Variants in PRELID2 observed in about 807,000 individuals in gnomAD.
PRELID2 encodes the protein PRELI domain-containing protein 2.
In PRELID2, 25 loss-of-function variants were observed where a neutral mutation model predicts 28.4. The observed-to-expected ratio is 0.88, with a 90% CI of 0.64 to 1.23. PRELID2 has a LOEUF of 1.23. PRELID2 is among the 50% of genes most tolerant of loss of function. The probability of loss-of-function intolerance (pLI) is 0.00; values close to 1 mark genes in which losing one functional copy is unlikely to be tolerated. For missense variants in PRELID2, 201 were observed against 214.4 expected (o/e 0.94, Z 0.39); for synonymous variants, 76 against 71.6 (o/e 1.06, Z -0.31).
chr5:145,463,770 G>A, the PRELID2 span, among the ~76,000 whole-genome samples: 1 of 152,184 alleles, frequency 6.6e-6, no homozygotes, highest in African/African-American at 2.4e-5. Flanking sequence ...AGAGACCAAA[G>A]ATAAACCAAA....
At chr5:145,819,533 C>T (rs1296422579) in intron 3 of PRELID2, 1 of 634,754 alleles carries the variant, frequency 1.6e-6, no homozygotes, top group African/African-American at 1.9e-5. Context: ...TGGGAAATAA[C>T]TGTTATCTCT....
the PRELID2 span, among the ~76,000 whole-genome samples, chr5:145,381,821 C>A: frequency 6.6e-6 from 1 of 151,910 alleles, no homozygotes; most frequent in Non-Finnish European, 1.5e-5. Flanking sequence ...AGGAGCATAA[C>A]AGAACATATT....
chr5:145,256,397 T>A, the PRELID2 span, among the ~76,000 whole-genome samples: 1 of 152,094 alleles, frequency 6.6e-6, no homozygotes, highest in African/African-American at 2.4e-5. Flanking sequence ...CATTTCTATG[T>A]CTGTTTCTAT....
chr5:145,639,753 G>C (rs983080793), intron 1 of PRELID2, among the ~76,000 whole-genome samples: 1 of 152,120 alleles, frequency 6.6e-6, no homozygotes, highest in African/African-American at 2.4e-5. Context: ...ATTGAAATAA[G>C]ATTTAACAAA....
chr5:145,583,126 G>T (rs1175749144), intron 1 of PRELID2, among the ~76,000 whole-genome samples: 3 of 152,080 alleles, frequency 2.0e-5, no homozygotes, highest in Admixed American at 1.3e-4. Context: ...GGGATGCAAG[G>T]TTGCTTCAAC....
the PRELID2 span, among the ~76,000 whole-genome samples, chr5:145,331,513 A>G: frequency 6.6e-6 from 1 of 152,090 alleles, no homozygotes; most frequent in African/African-American, 2.4e-5. Flanking sequence ...TAATCCCTTC[A>G]TGACTATGTA....
chr5:145,697,068 T>C (rs1273172807), intron 1 of PRELID2, among the ~76,000 whole-genome samples: 1 of 121,444 alleles, frequency 8.2e-6, no homozygotes, highest in Admixed American at 7.9e-5. Context: ...TATATATATA[T>C]ATATATATAT....
Position 145,579,190 on chromosome 5 carries a change from T to C in PRELID2, n.71-105875A>G, listed in dbSNP as rs13359453. 2.0e-5 allele frequency among the ~76,000 whole-genome samples: 3 copies of C among 152,046 alleles called. No individual in the cohort carries two copies. In the East Asian group the frequency reaches 5.8e-4, roughly 29 times the overall value. On this transcript the variant is annotated intron_variant and non_coding_transcript_variant, in intron 1 of 2. Coordinates refer to the PRELID2 transcript ENST00000510259. ...CATTATGAAGAGTGTGAAAACACTA[T>C]AGAAACCCAAGGAAATGTATATAAC... is the stretch of plus-strand genomic sequence containing the variant.
At chr5:145,358,142 C>T in the PRELID2 span, among the ~76,000 whole-genome samples, 18 of 152,190 alleles carry the variant, frequency 1.2e-4, no homozygotes, top group African/African-American at 4.3e-4. Flanking sequence ...TGAGTCGGCC[C>T]TTATCTGCTG....
chr5:145,674,723 C>A (rs867958898), intron 1 of PRELID2, among the ~76,000 whole-genome samples: 10 of 152,028 alleles, frequency 6.6e-5, no homozygotes, highest in African/African-American at 1.2e-4. Context: ...GCAGGCAGAT[C>A]GCTTGAGGCT....
intron 1 of PRELID2, among the ~76,000 whole-genome samples, chr5:145,676,538 CA>C (rs1365343728): frequency 6.6e-6 from 1 of 152,140 alleles, no homozygotes; most frequent in Non-Finnish European, 1.5e-5. Flanking sequence ...GACTCTGTCT[CA>C]AAACAACAAC....
chr5:145,792,534 G>C (rs1752463554), intron 5 of PRELID2, among the ~76,000 whole-genome samples: 1 of 152,148 alleles, frequency 6.6e-6, no homozygotes, highest in Admixed American at 6.5e-5. Flanking sequence ...TTTCCACCCT[G>C]AGCTAGATGT....
chr5:145,737,579 G>A (rs762454044), intron 1 of PRELID2, among the ~76,000 whole-genome samples: 1 of 152,158 alleles, frequency 6.6e-6, no homozygotes, highest in Non-Finnish European at 1.5e-5. Context: ...CTGGCAGCCT[G>A]AAAACAGCAA....
chr5:145,685,041 T>C (rs1257299949), intron 1 of PRELID2, among the ~76,000 whole-genome samples: 1 of 152,190 alleles, frequency 6.6e-6, no homozygotes, highest in Non-Finnish European at 1.5e-5. Context: ...GTCTTGTTGC[T>C]TCTACTTCCA....
intron 1 of PRELID2, among the ~76,000 whole-genome samples, chr5:145,715,401 C>A (rs1755815009): frequency 1.3e-5 from 2 of 152,136 alleles, no homozygotes; most frequent in Admixed American, 1.3e-4. Flanking sequence ...CGCCTCTTGC[C>A]TAGACCATTG....
In PRELID2 at chr5:145,705,367, G is replaced by T. The variant is rs1047148082; in HGVS notation, n.70+59564C>A. 4.1e-3 allele frequency among the ~76,000 whole-genome samples: 607 copies of T among 147,892 alleles called. 2 individuals carry two copies. Among genetic ancestry groups the T allele is most frequent in the East Asian group, 0.017 (86 of 5,110 alleles). On this transcript the variant is annotated intron_variant and non_coding_transcript_variant, in intron 1 of 2. Transcript: ENST00000510259. ...TACTATGCCCAGCTAATTTTTGTGG[G>T]TTTTTTTTGTATTTTTAGTAGAGAC... is the stretch of plus-strand genomic sequence containing the variant.
At chr5:145,830,702 T>C (rs922996706) in intron 1 of PRELID2, among the ~76,000 whole-genome samples, 1 of 152,198 alleles carries the variant, frequency 6.6e-6, no homozygotes, top group Non-Finnish European at 1.5e-5. Flanking sequence ...TTCATAACAT[T>C]CCTCCATGAA....
At chr5:145,261,278 A>C in the PRELID2 span, among the ~76,000 whole-genome samples, 19,384 of 152,140 alleles carry the variant, frequency 0.13, 3,070 homozygotes, top group African/African-American at 0.38. Context: ...TGTGGCCCTG[A>C]CCAGAGCCTG....
intron 1 of PRELID2, among the ~76,000 whole-genome samples, chr5:145,539,822 A>C (rs985363898): frequency 8.6e-5 from 13 of 151,854 alleles, no homozygotes; most frequent in Admixed American, 3.9e-4. Context: ...ATTTGGGAGA[A>C]ACTATACTGT....
Sources: allele counts gnomAD v4.1 joint callset (sites outside exome capture counted in the v4.1 genomes callset), GRCh38; gene constraint gnomAD v4.1.1; transcripts MANE v1.5; gene names NCBI Gene and HGNC (gene_info 2026-07-23, HGNC 2026-07-21).